HFM1: variants seen among roughly 807,000 people sequenced by gnomAD.
HFM1 encodes helicase for meiosis 1.
A neutral mutation model predicts 192.1 loss-of-function variants in HFM1; 169 were observed. That is an observed-to-expected ratio of 0.88 (90% CI 0.78 to 1.00). The LOEUF is 1.00. Ranked by LOEUF, HFM1 falls within the 50% of genes least tolerant of loss-of-function variation. The pLI, the probability that HFM1 is intolerant of heterozygous loss-of-function variation, is 0.00. For missense variants in HFM1, 1,661 were observed against 1,668.0 expected (o/e 1.00, Z 0.07); for synonymous variants, 525 against 537.8 (o/e 0.98, Z 0.33).
At chr1:91,381,515 T>C (rs1661550056) in intron 6 of HFM1, among the ~76,000 whole-genome samples, 1 of 152,170 alleles carries the variant, frequency 6.6e-6, no homozygotes, top group African/African-American at 2.4e-5. Flanking sequence ...CATACTGGCT[T>C]GACAGGAAGA....
intron 36 of HFM1, among the ~76,000 whole-genome samples, chr1:91,264,946 C>A (rs1019852144): frequency 6.6e-6 from 1 of 152,140 alleles, no homozygotes; most frequent in African/African-American, 2.4e-5. Flanking sequence ...CTTCCCTCTT[C>A]CTCAACTATC....
intron 13 of HFM1, among the ~76,000 whole-genome samples, chr1:91,357,343 TA>T (rs1416975079): frequency 6.6e-6 from 1 of 152,110 alleles, no homozygotes; most frequent in Admixed American, 6.5e-5. Flanking sequence ...GAATGAAAGA[TA>T]AAAAACACAA....
At chr1:91,318,932 G>T in intron 25 of HFM1, 146 bp downstream of exon 25, 1 of 656,662 alleles carries the variant, frequency 1.5e-6, no homozygotes, top group Non-Finnish European at 2.4e-6. Context: ...AGGAAAATCA[G>T]ATTTTCGAAA....
intron 36 of HFM1, among the ~76,000 whole-genome samples, chr1:91,264,633 A>G (rs1461893055): frequency 6.6e-6 from 1 of 151,646 alleles, no homozygotes; most frequent in Non-Finnish European, 1.5e-5. Flanking sequence ...TCGGCCTCCC[A>G]AAGTGCTGGG....
rs1211039993 is a variant in HFM1 at position 91,288,383 on chromosome 1, T to TA, written c.3392-11322_3392-11321insT. Among the ~76,000 whole-genome samples the TA allele has an allele frequency of 2.9e-3, 301 of 103,738 alleles. 1 individual carries two copies. Among genetic ancestry groups the TA allele is most frequent in the Middle Eastern group, 6.0e-3 (1 of 168 alleles). 68.1% of individuals were successfully genotyped at this position (103,738 alleles called of 152,430 possible). ...TCAACATTCTTTTTTTTTTTTTTTTTTTTTTTTTAGTATTTATTGATCATT... is the reference window on the plus strand; with the variant it reads ...TCAACATTCTTTTTTTTTTTTTTTTTATTTTTTTTAGTATTTATTGATCATT... On this transcript the variant is annotated intron_variant, in intron 30 of 38. Coordinates refer to ENST00000370425, the MANE Select transcript of HFM1 (RefSeq NM_001017975.6).
intron 23 of HFM1, among the ~76,000 whole-genome samples, chr1:91,322,364 C>T (rs1307473069): frequency 6.6e-6 from 1 of 152,164 alleles, no homozygotes; most frequent in African/African-American, 2.4e-5. Flanking sequence ...CCTTAAATTA[C>T]ATAACACTAA....
At chr1:91,341,184 A>G (rs1387531811) in intron 20 of HFM1, among the ~76,000 whole-genome samples, 2 of 152,200 alleles carry the variant, frequency 1.3e-5, no homozygotes, top group Non-Finnish European at 2.9e-5. Context: ...TCAACCACAC[A>G]TTCAGCTATA....
intron 20 of HFM1, among the ~76,000 whole-genome samples, chr1:91,335,180 T>C (rs2101568735): frequency 6.6e-6 from 1 of 152,268 alleles, no homozygotes; most frequent in African/African-American, 2.4e-5. Flanking sequence ...AATAGAGAAG[T>C]AGCCAGGCTC....
chr1:91,374,573 G>A (rs915518253), intron 13 of HFM1, among the ~76,000 whole-genome samples: 1 of 152,096 alleles, frequency 6.6e-6, no homozygotes, highest in Non-Finnish European at 1.5e-5. Flanking sequence ...GGGGTATAAG[G>A]TGAAGAAGAT....
intron 38 of HFM1, chr1:91,261,614 A>G (rs1665163224): frequency 4.2e-6 from 1 of 240,866 alleles, no homozygotes; most frequent in African/African-American, 2.2e-5. Context: ...CATTTAATAA[A>G]GGTGTGAATG....
chr1:91,285,782 A>G (rs1332771138), intron 30 of HFM1, among the ~76,000 whole-genome samples: 2 of 152,234 alleles, frequency 1.3e-5, no homozygotes, highest in African/African-American at 4.8e-5. Context: ...TAAATATTTC[A>G]TAAGTTTTAA....
At chr1:91,327,064 C>T (rs1178097264) in intron 20 of HFM1, among the ~76,000 whole-genome samples, 1 of 151,960 alleles carries the variant, frequency 6.6e-6, no homozygotes, top group African/African-American at 2.4e-5. Flanking sequence ...AGCATGCCAC[C>T]AGAGAAAATC....
chr1:91,378,517 G>C, intron 9 of HFM1, 37 bp from the exon 10 acceptor site: 1 of 1,191,624 alleles, frequency 8.4e-7, no homozygotes, highest in Non-Finnish European at 1.2e-6. Flanking sequence ...AGTTTAATGT[G>C]ATAAGGAATT....
At chr1:91,404,411 A>G (rs1001721125) in intron 1 of HFM1, among the ~76,000 whole-genome samples, 3 of 152,220 alleles carry the variant, frequency 2.0e-5, no homozygotes, top group Non-Finnish European at 2.9e-5. Flanking sequence ...CGGCTCAGAC[A>G]GATGGGTACG....
Position 91,404,789 on chromosome 1 carries a change from TCTC to T in HFM1, c.-28+6_-28+8del. On this transcript the variant is annotated splice_donor_region_variant and intron_variant, in intron 1 of 38. Transcript: ENST00000370425. Reference sequence around the variant, plus strand: ...CCTTCCCCGCGGGCGTCCGGGCCCCTCTCCTCACCTCCCTGCGGACAGCTCCTA... The same window carrying T: ...CCTTCCCCGCGGGCGTCCGGGCCCCTCTCACCTCCCTGCGGACAGCTCCTA... 2.2e-6 allele frequency: 1 copy of T among 446,186 alleles called. No homozygotes were observed. The highest frequency in any genetic ancestry group is 4.5e-6 in the Non-Finnish European group (1 of 222,626). 27.6% of individuals were successfully genotyped at this position (446,186 alleles called of 1,614,324 possible). A position where few individuals can be genotyped will look rare whatever the true frequency, so the allele number is the denominator to read the frequency against.
chr1:91,395,941 T>G (rs1663611054), intron 3 of HFM1, among the ~76,000 whole-genome samples: 1 of 151,470 alleles, frequency 6.6e-6, no homozygotes, highest in African/African-American at 2.4e-5. Context: ...CTCTGCCTCC[T>G]GGGTTCAAGC....
chr1:91,274,135 G>T lies in HFM1; in HGVS notation c.3669-320C>A, dbSNP rs187694412. 8.6e-5 allele frequency among the ~76,000 whole-genome samples: 13 copies of T among 151,926 alleles called. No individual in the cohort carries two copies. In the East Asian group the frequency reaches 2.5e-3, roughly 30 times the overall value. ...CCTGCATATAGAATGCCCTTATCTAGCAGGGAAATTACATATATGATTGTC... is the reference window on the plus strand; with the variant it reads ...CCTGCATATAGAATGCCCTTATCTATCAGGGAAATTACATATATGATTGTC... On this transcript the variant is annotated intron_variant, in intron 33 of 38. Coordinates refer to ENST00000370425, the MANE Select transcript of HFM1 (RefSeq NM_001017975.6).
At chr1:91,332,445 A>C (rs1258467439) in intron 20 of HFM1, among the ~76,000 whole-genome samples, 1 of 152,198 alleles carries the variant, frequency 6.6e-6, no homozygotes, top group Non-Finnish European at 1.5e-5. Context: ...ATATATATAA[A>C]AATCAAATCA....
intron 23 of HFM1, among the ~76,000 whole-genome samples, chr1:91,322,586 G>A (rs1652288778): frequency 6.6e-6 from 1 of 151,956 alleles, no homozygotes; most frequent in African/African-American, 2.4e-5. Flanking sequence ...TTTACTCTTT[G>A]TCTCTCCCAG....
Sources: allele counts gnomAD v4.1 joint callset (sites outside exome capture counted in the v4.1 genomes callset), GRCh38; gene constraint gnomAD v4.1.1; transcripts MANE v1.5; gene names NCBI Gene and HGNC (gene_info 2026-07-23, HGNC 2026-07-21).